RARB: variants seen among roughly 807,000 people sequenced by gnomAD.
RARB encodes HBV-activated protein.
A neutral mutation model predicts 51.9 loss-of-function variants in RARB; 17 were observed. The observed-to-expected ratio is 0.33, with a 90% CI of 0.22 to 0.49. The LOEUF is 0.49. RARB is among the 20% of genes least tolerant of loss of function. RARB has a pLI of 0.99. For synonymous variants in RARB, 215 were observed against 195.4 expected (o/e 1.10, Z -0.84); for missense variants, 369 against 550.8 (o/e 0.67, Z 3.30).
chr3:25,447,668 G>A (rs1345220608), intron 1 of RARB, among the ~76,000 whole-genome samples: 1 of 152,174 alleles, frequency 6.6e-6, no homozygotes, highest in Non-Finnish European at 1.5e-5. Flanking sequence ...AGCCATTTCT[G>A]AGGGGGCTAG....
At chr3:24,994,585 A>G (rs563514178) in intron 2 of RARB, among the ~76,000 whole-genome samples, 1 of 152,104 alleles carries the variant, frequency 6.6e-6, no homozygotes, top group East Asian at 1.9e-4. Flanking sequence ...TAATGTCCTG[A>G]AGTGTTTCCC....
intron 5 of RARB, among the ~76,000 whole-genome samples, chr3:25,357,067 C>A (rs1388747249): frequency 6.6e-6 from 1 of 152,152 alleles, no homozygotes; most frequent in Non-Finnish European, 1.5e-5. Context: ...ATTTCTAGTT[C>A]TAGATCCTTG....
chr3:24,925,270 G>GA (rs1371756225), intron 2 of RARB, among the ~76,000 whole-genome samples: 4 of 151,976 alleles, frequency 2.6e-5, no homozygotes, highest in South Asian at 4.2e-4. Context: ...TACAAATCCA[G>GA]AAAATATGAC....
At chr3:24,904,416 C>T (rs1462046169) in intron 2 of RARB, among the ~76,000 whole-genome samples, 1 of 152,168 alleles carries the variant, frequency 6.6e-6, no homozygotes, top group Non-Finnish European at 1.5e-5. Context: ...AAAAAAAGCT[C>T]ATCATCACTG....
At chr3:25,369,258 C>T (rs997756241) in intron 5 of RARB, among the ~76,000 whole-genome samples, 3 of 152,158 alleles carry the variant, frequency 2.0e-5, no homozygotes, top group Non-Finnish European at 2.9e-5. Context: ...CACTGTAAGG[C>T]ATTGGGCACA....
intron 2 of RARB, among the ~76,000 whole-genome samples, chr3:24,959,802 A>G (rs1182085376): frequency 2.6e-5 from 4 of 152,240 alleles, no homozygotes; most frequent in African/African-American, 9.6e-5. Context: ...AAGGGGAATG[A>G]GGCAGGAAGG....
intron 2 of RARB, among the ~76,000 whole-genome samples, chr3:25,041,226 CACTT>C (rs1698107862): frequency 6.6e-6 from 1 of 152,098 alleles, no homozygotes; most frequent in African/African-American, 2.4e-5. Flanking sequence ...TGGGGGATGT[CACTT>C]ACCACCCTAA....
chr3:25,274,197 A>G (rs1447234753), intron 5 of RARB, among the ~76,000 whole-genome samples: 1 of 152,228 alleles, frequency 6.6e-6, no homozygotes, highest in Non-Finnish European at 1.5e-5. Context: ...TTAAAATATG[A>G]TTTAAACACG....
rs548942304 is a variant in RARB, at chr3:25,120,771, C to T, written c.-327-11390C>T. On this transcript the variant is annotated intron_variant, in intron 3 of 11. Transcript: ENST00000383772. ...CGGAGACTTCATAAGCAATATGAGGCTTTTTGTCTTAAAGATTTAGATCAG... is the reference window on the plus strand; with the variant it reads ...CGGAGACTTCATAAGCAATATGAGGTTTTTTGTCTTAAAGATTTAGATCAG... 3.9e-5 allele frequency among the ~76,000 whole-genome samples: 6 copies of T among 152,220 alleles called. No homozygotes were observed. The South Asian group carries it at 6.2e-4, about 16-fold the overall frequency.
intron 2 of RARB, among the ~76,000 whole-genome samples, chr3:24,970,052 G>T (rs1696360200): frequency 6.6e-6 from 1 of 151,974 alleles, no homozygotes; most frequent in Admixed American, 6.6e-5. Context: ...CATATTTTAG[G>T]CTGTGTGGGC....
At chr3:25,554,207 G>A (rs1699958924) in intron 3 of RARB, among the ~76,000 whole-genome samples, 1 of 149,354 alleles carries the variant, frequency 6.7e-6, no homozygotes, top group Non-Finnish European at 1.5e-5. Flanking sequence ...AATAACAACT[G>A]ACATCTAGTA....
At chr3:25,383,979 C>G (rs913227794) in intron 5 of RARB, among the ~76,000 whole-genome samples, 1 of 151,310 alleles carries the variant, frequency 6.6e-6, no homozygotes, top group Non-Finnish European at 1.5e-5. Flanking sequence ...GCAACATGTA[C>G]ATAGGTATTA....
intron 2 of RARB, among the ~76,000 whole-genome samples, chr3:24,980,729 A>G (rs1325642335): frequency 6.6e-6 from 1 of 152,038 alleles, no homozygotes; most frequent in Non-Finnish European, 1.5e-5. Context: ...TAGCTCAGAT[A>G]AGTTTGTTAT....
upstream of RARB, among the ~76,000 whole-genome samples, chr3:25,425,508 C>T (rs1707964725): frequency 6.6e-6 from 1 of 152,036 alleles, no homozygotes; most frequent in Non-Finnish European, 1.5e-5. Flanking sequence ...AATTGACTAG[C>T]GAATATTGTC....
At chr3:25,139,899 A>G (rs1010615651) in intron 4 of RARB, among the ~76,000 whole-genome samples, 1 of 152,186 alleles carries the variant, frequency 6.6e-6, no homozygotes, top group Admixed American at 6.5e-5. Flanking sequence ...TGCAAACTTT[A>G]CTGTACCTGT....
chr3:25,417,414 G>T (rs1575385566), intron 5 of RARB, among the ~76,000 whole-genome samples: 1 of 152,250 alleles, frequency 6.6e-6, no homozygotes, highest in South Asian at 2.1e-4. Flanking sequence ...ACACATGGCG[G>T]GAGGGACCTG....
intron 2 of RARB, among the ~76,000 whole-genome samples, chr3:24,953,714 T>A (rs543975388): frequency 1.1e-3 from 167 of 152,162 alleles, no homozygotes; most frequent in African/African-American, 3.9e-3. Flanking sequence ...TCAAAAACAA[T>A]TCTTCTGTCA....
chr3:25,435,438 T>C (rs1708393520), intron 1 of RARB, among the ~76,000 whole-genome samples: 1 of 152,212 alleles, frequency 6.6e-6, no homozygotes, highest in South Asian at 2.1e-4. Context: ...CTACAGTACC[T>C]TTGTCATGTC....
intron 2 of RARB, among the ~76,000 whole-genome samples, chr3:25,498,253 A>G (rs1306790539): frequency 6.6e-6 from 1 of 152,118 alleles, no homozygotes; most frequent in African/African-American, 2.4e-5. Flanking sequence ...GTGTATGAGG[A>G]TAACTGCCCC....
Sources: gnomAD v4.1 joint callset for allele counts (sites outside exome capture counted in the v4.1 genomes callset) on GRCh38, gnomAD v4.1.1 for gene constraint, MANE v1.5 for transcripts, NCBI Gene and HGNC (gene_info 2026-07-23, HGNC 2026-07-21) for gene names.